GFRA1: variants seen among roughly 807,000 people sequenced by gnomAD.
GFRA1 encodes GDNF family receptor alpha-1.
A neutral mutation model predicts 51.6 loss-of-function variants in GFRA1; 16 were observed. The observed-to-expected ratio is 0.31, with a 90% CI of 0.21 to 0.47. GFRA1 has a LOEUF of 0.47. Among genes scored for constraint, GFRA1 ranks in the 20% least tolerant of loss-of-function variants. The pLI is 1.00. For synonymous variants in GFRA1, 270 were observed against 241.3 expected, an observed-to-expected ratio of 1.12 and a Z score of -1.10; for missense variants, 530 against 594.3, an observed-to-expected ratio of 0.89 and a Z score of 1.13.
intron 6 of GFRA1, among the ~76,000 whole-genome samples, chr10:116,117,495 G>T (rs1957455839): frequency 6.9e-6 from 1 of 144,956 alleles, no homozygotes; most frequent in Admixed American, 7.2e-5. Flanking sequence ...ATATCAGGTT[G>T]TTATTCCTGG....
intron 4 of GFRA1, among the ~76,000 whole-genome samples, chr10:116,224,759 T>C (rs1487551688): frequency 6.6e-6 from 1 of 152,186 alleles, no homozygotes; most frequent in Admixed American, 6.5e-5. Context: ...AAATTGACTG[T>C]ATGATGAATA....
In GFRA1 at chr10:116,060,689, G is replaced by C. The variant is rs180550; in HGVS notation, c.*3709C>G. 35,446 of 152,098 alleles carry C rather than the reference G, an allele frequency of 0.23. 4,888 individuals carry two copies. Among genetic ancestry groups the C allele is most frequent in the African/African-American group, 0.38 (15,922 of 41,482 alleles). The allele number at this position is 152,098 out of a possible 1,614,324, so 9.4% of individuals were successfully genotyped here. On this transcript the variant is annotated 3_prime_UTR_variant, in exon 11 of 11. Transcript: ENST00000355422. ...TATCAAAGAACAGAGGCAAGAGCAA[G>C]ACAGATCATGGGGGTATGAATCCAG...
At chr10:116,101,573 T>A (rs1203032110) in intron 6 of GFRA1, among the ~76,000 whole-genome samples, 1 of 152,120 alleles carries the variant, frequency 6.6e-6, no homozygotes, top group Non-Finnish European at 1.5e-5. Flanking sequence ...TCTAGGAGAA[T>A]TGTCTCAAAC....
intron 5 of GFRA1, among the ~76,000 whole-genome samples, chr10:116,166,793 TTTTTTTTTTTTTTTTTTTTTTG>T (rs1275863380): frequency 1.3e-5 from 1 of 77,706 alleles, no homozygotes; most frequent in Non-Finnish European, 2.6e-5. Context: ...TTTTTTTTTT[TTTTTTTTTTTTTTTTTTTTTTG>T]TTGAGACGGA....
intron 9 of GFRA1, among the ~76,000 whole-genome samples, chr10:116,080,321 T>C (rs529944123): frequency 6.6e-6 from 1 of 152,174 alleles, no homozygotes; most frequent in African/African-American, 2.4e-5. Flanking sequence ...GTTTAATGGC[T>C]ACTAAGTGGT....
intron 5 of GFRA1, among the ~76,000 whole-genome samples, chr10:116,195,368 C>T (rs7078778): frequency 0.045 from 6,828 of 152,228 alleles, 261 homozygotes; most frequent in African/African-American, 0.11. Flanking sequence ...GAGCAGTGGT[C>T]ACCAACCTTT....
At chr10:116,094,044 A>G (rs914373188) in intron 7 of GFRA1, among the ~76,000 whole-genome samples, 2 of 152,232 alleles carry the variant, frequency 1.3e-5, no homozygotes, top group Admixed American at 6.5e-5. Flanking sequence ...TTTAAAAATT[A>G]TAACAGAACT....
At chr10:116,191,093 T>A (rs1267468497) in intron 5 of GFRA1, among the ~76,000 whole-genome samples, 1 of 152,188 alleles carries the variant, frequency 6.6e-6, no homozygotes, top group East Asian at 1.9e-4. Flanking sequence ...ATAGCTGCCA[T>A]TGCTAAGGTT....
intron 5 of GFRA1, among the ~76,000 whole-genome samples, chr10:116,209,620 T>C (rs1157184649): frequency 6.6e-6 from 1 of 151,982 alleles, no homozygotes; most frequent in South Asian, 2.1e-4. Flanking sequence ...CTTGTTGATT[T>C]CTAGCACAAT....
Position 116,076,635 on chromosome 10 carries a change from G to A in GFRA1, c.1198-11009C>T, listed in dbSNP as rs927517131. 3.9e-5 allele frequency among the ~76,000 whole-genome samples: 6 copies of A among 152,172 alleles called. No individual in the cohort carries two copies. In the South Asian group the frequency reaches 1.2e-3, roughly 32 times the overall value. ...CCAGGTCACCAGACTGCACCTCAGA[G>A]GGGAAACAGCCCAGCCACATGGGAC... is the stretch of plus-strand genomic sequence containing the variant. On this transcript the variant is annotated intron_variant, in intron 9 of 10. Transcript: ENST00000355422.
chr10:116,137,627 C>T (rs1378677569), intron 5 of GFRA1, among the ~76,000 whole-genome samples: 1 of 152,166 alleles, frequency 6.6e-6, no homozygotes, highest in East Asian at 1.9e-4. Context: ...ATAATAATTG[C>T]AGCGCTTCAC....
chr10:116,120,667 G>T (rs991653182), intron 6 of GFRA1, among the ~76,000 whole-genome samples: 4 of 152,232 alleles, frequency 2.6e-5, no homozygotes, highest in Non-Finnish European at 4.4e-5. Context: ...GTAGAGCGTG[G>T]ACTACTGGTG....
At chr10:116,186,694 T>G (rs17094324) in intron 5 of GFRA1, among the ~76,000 whole-genome samples, 2,106 of 152,256 alleles carry the variant, frequency 0.014, 56 homozygotes, top group African/African-American at 0.048. Flanking sequence ...AAGTGCCATT[T>G]ATCATCTGCT....
At chr10:116,217,900 G>C (rs1325446754) in intron 4 of GFRA1, among the ~76,000 whole-genome samples, 2 of 152,126 alleles carry the variant, frequency 1.3e-5, no homozygotes, top group African/African-American at 4.8e-5. Context: ...AACATTTATT[G>C]ATTGTCTACT....
At chr10:116,184,251 G>T (rs182128767) in intron 5 of GFRA1, among the ~76,000 whole-genome samples, 1 of 152,212 alleles carries the variant, frequency 6.6e-6, no homozygotes, top group African/African-American at 2.4e-5. Context: ...CAGAGGAGCT[G>T]CCCACCAAAG....
In GFRA1 at chr10:116,272,211, A is replaced by C; in HGVS notation, c.-182T>G. The C allele has an allele frequency of 1.5e-6, 1 of 648,048 alleles. No individual in the cohort carries two copies. The highest frequency in any genetic ancestry group is 2.7e-6 in the Non-Finnish European group (1 of 365,372). 40.1% of individuals were successfully genotyped at this position (648,048 alleles called of 1,614,324 possible). A position where few individuals can be genotyped will look rare whatever the true frequency, so the allele number is the denominator to read the frequency against. ...CTGGCAGCAGCCACCGCCGCCGGCG[A>C]CTCAGCTCCGGGATGGCGAGGGCGG... On this transcript the variant is annotated 5_prime_UTR_variant, in exon 2 of 11. Coordinates refer to ENST00000355422, the MANE Select transcript of GFRA1 (RefSeq NM_005264.8). This position sits in a 1 kb window ranked among gnomAD's most constrained non-coding sequence, Gnocchi z 4.4.
chr10:116,089,202 G>A (rs1194189573), intron 9 of GFRA1, among the ~76,000 whole-genome samples: 5 of 152,060 alleles, frequency 3.3e-5, no homozygotes, highest in South Asian at 2.1e-4. Context: ...GCCTCCTCAC[G>A]GCTCCTCCTA....
intron 5 of GFRA1, among the ~76,000 whole-genome samples, chr10:116,151,024 G>T (rs1959043041): frequency 6.6e-6 from 1 of 151,766 alleles, no homozygotes; most frequent in East Asian, 1.9e-4. Flanking sequence ...TTTCTAAACG[G>T]GAAAAAGGGT....
intron 2 of GFRA1, 110 bp from the exon 3 acceptor site, chr10:116,271,225 G>A: frequency 1.2e-6 from 1 of 857,842 alleles, no homozygotes; most frequent in Non-Finnish European, 1.8e-6. Flanking sequence ...AGCCTTCGGG[G>A]GCGCCCTGCT....
Sources: gnomAD v4.1 joint callset for allele counts (sites outside exome capture counted in the v4.1 genomes callset) on GRCh38, gnomAD v4.1.1 for gene constraint, Gnocchi (gnomAD v3.1) non-coding constraint, MANE v1.5 for transcripts, NCBI Gene and HGNC (gene_info 2026-07-23, HGNC 2026-07-21) for gene names.